Variants in CSMD1 observed in about 807,000 individuals in gnomAD.
The protein encoded by CSMD1 is CUB and Sushi multiple domains 1.
CSMD1 carries 213 observed loss-of-function variants against 417.5 expected under a neutral mutation model. That is an observed-to-expected ratio of 0.51 (90% CI 0.46 to 0.57). CSMD1 has a LOEUF of 0.57. CSMD1 is among the 20% of genes least tolerant of loss of function. CSMD1 has a pLI of 0.00. For synonymous variants in CSMD1, 2,862 were observed against 1,736.8 expected, an observed-to-expected ratio of 1.65 and a Z score of -16.11; for missense variants, 6,923 against 4,529.7, an observed-to-expected ratio of 1.53 and a Z score of -15.17.
chr8:3,499,548 T>C (rs566534351), intron 10 of CSMD1, among the ~76,000 whole-genome samples: 2 of 152,178 alleles, frequency 1.3e-5, no homozygotes, highest in East Asian at 1.9e-4. Flanking sequence ...GGCCAGTCCT[T>C]GGTCTCCTGC....
Position 4,374,730 on chromosome 8 carries a change from C to A in CSMD1, c.415+45223G>T, listed in dbSNP as rs74660681. 8.1e-3 allele frequency among the ~76,000 whole-genome samples: 1,238 copies of A among 152,222 alleles called. 16 individuals are homozygous for A. The highest frequency in any genetic ancestry group is 0.028 in the African/African-American group (1,143 of 41,534). Reference sequence around the variant, plus strand: ...GCATCCGTGTCTGGAGCAGACTAAGCATGAGCAGCAGAGACGTCCAAGTGG... The same window carrying A: ...GCATCCGTGTCTGGAGCAGACTAAGAATGAGCAGCAGAGACGTCCAAGTGG... On this transcript the variant is annotated intron_variant, in intron 3 of 69. Transcript: ENST00000635120.
intron 9 of CSMD1, among the ~76,000 whole-genome samples, chr8:3,584,057 A>C (rs2116987961): frequency 6.6e-6 from 1 of 152,222 alleles, no homozygotes; most frequent in East Asian, 1.9e-4. Context: ...CAGCAGTATA[A>C]GTCATTATTT....
intron 3 of CSMD1, among the ~76,000 whole-genome samples, chr8:4,411,443 A>G (rs1016387743): frequency 6.6e-6 from 1 of 152,112 alleles, no homozygotes; most frequent in Non-Finnish European, 1.5e-5. Context: ...ACTTTTAATT[A>G]CTTGGTTCTA....
intron 11 of CSMD1, among the ~76,000 whole-genome samples, chr8:3,485,828 A>G (rs1045756409): frequency 6.6e-6 from 1 of 150,920 alleles, no homozygotes; most frequent in Non-Finnish European, 1.5e-5. Context: ...AAAATAAAAT[A>G]AAATAAAACA....
intron 38 of CSMD1, among the ~76,000 whole-genome samples, chr8:3,160,775 CA>C (rs1403305036): frequency 6.6e-5 from 10 of 152,214 alleles, no homozygotes; most frequent in African/African-American, 2.4e-4. Flanking sequence ...AAGCATACAT[CA>C]CATGGTACCC....
intron 5 of CSMD1, among the ~76,000 whole-genome samples, chr8:3,830,323 G>C (rs936630400): frequency 6.6e-6 from 1 of 152,214 alleles, no homozygotes; most frequent in Non-Finnish European, 1.5e-5. Context: ...GCCTTCACTT[G>C]CCGAATGATT....
At chr8:3,239,268 T>C (rs1799345038) in intron 26 of CSMD1, among the ~76,000 whole-genome samples, 1 of 152,134 alleles carries the variant, frequency 6.6e-6, no homozygotes, top group South Asian at 2.1e-4. Context: ...GCTTGGCTGA[T>C]TTGACTAATA....
chr8:3,794,342 CAT>C (rs1799923286), intron 5 of CSMD1, among the ~76,000 whole-genome samples: 1 of 152,120 alleles, frequency 6.6e-6, no homozygotes, highest in African/African-American at 2.4e-5. Context: ...GCTGAGTAAA[CAT>C]ATGTTTGCTA....
rs369842169 is a variant in CSMD1, at chr8:3,311,962, T to TTCAA, written c.3632-3463_3632-3460dup. Among the ~76,000 whole-genome samples, 1,370 of 152,262 alleles carry TTCAA rather than the reference T, an allele frequency of 9.0e-3. 24 individuals carry two copies. The highest frequency in any genetic ancestry group is 0.03 in the African/African-American group (1,266 of 41,546). On this transcript the variant is annotated intron_variant, in intron 23 of 69. Transcript: ENST00000635120. ...TTCAGAAATCATGGCTTTTAAAGAC[T>TTCAA]TCAATCAAAAAAGGTTAACAAAGTT...
intron 1 of CSMD1, among the ~76,000 whole-genome samples, chr8:4,795,190 C>T (rs1797908217): frequency 6.8e-6 from 1 of 146,356 alleles, no homozygotes; most frequent in Non-Finnish European, 1.5e-5. Context: ...TGAAAAGACG[C>T]TTAACCAGCT....
At chr8:3,735,064 G>C (rs2129048716) in intron 6 of CSMD1, among the ~76,000 whole-genome samples, 1 of 152,320 alleles carries the variant, frequency 6.6e-6, no homozygotes, top group South Asian at 2.1e-4. Context: ...GTGGACATGG[G>C]AGGACACACG....
chr8:4,110,707 G>A (rs953484117), intron 3 of CSMD1, among the ~76,000 whole-genome samples: 4 of 151,616 alleles, frequency 2.6e-5, no homozygotes, highest in African/African-American at 9.7e-5. Flanking sequence ...TAATTTCAGG[G>A]TTTTTTTTCC....
intron 3 of CSMD1, among the ~76,000 whole-genome samples, chr8:4,298,205 C>G (rs925233764): frequency 1.3e-5 from 2 of 152,026 alleles, no homozygotes; most frequent in African/African-American, 4.8e-5. Flanking sequence ...AATGAAGTTT[C>G]CAAAATAATG....
chr8:4,099,208 A>G (rs767076015), intron 3 of CSMD1, among the ~76,000 whole-genome samples: 4 of 95,260 alleles, frequency 4.2e-5, no homozygotes, highest in Admixed American at 8.7e-5. Flanking sequence ...ACACACACGC[A>G]CACACACACA....
chr8:3,564,166 T>C lies in CSMD1; in HGVS notation c.1344+10779A>G, dbSNP rs150267305. Among the ~76,000 whole-genome samples the C allele has an allele frequency of 2.8e-3, 434 of 152,352 alleles. 3 individuals are homozygous for C. The highest frequency in any genetic ancestry group is 0.01 in the African/African-American group (417 of 41,578). ...GTTTGGAAGATTGAAATTATTTTCT[T>C]CTAGCTATTTTGAAATATATAATAA... On this transcript the variant is annotated intron_variant, in intron 10 of 69. Coordinates refer to ENST00000635120, the MANE Select transcript of CSMD1 (RefSeq NM_033225.6).
chr8:3,319,571 A>T (rs1282036004), intron 23 of CSMD1, among the ~76,000 whole-genome samples: 1 of 152,208 alleles, frequency 6.6e-6, no homozygotes, highest in Non-Finnish European at 1.5e-5. Flanking sequence ...ATGCTTTCAA[A>T]CACTTCCGCA....
intron 23 of CSMD1, among the ~76,000 whole-genome samples, chr8:3,324,185 C>A (rs1417156787): frequency 1.2e-4 from 14 of 120,642 alleles, no homozygotes; most frequent in African/African-American, 5.1e-4. Context: ...CTTCACCCCA[C>A]CTTTCATTGT....
Position 2,961,344 on chromosome 8 carries a change from A to C in CSMD1, c.9629-130T>G. 3 of 443,298 alleles carry C rather than the reference A, an allele frequency of 6.8e-6. 1 individual carries two copies. Among genetic ancestry groups the C allele is most frequent in the Non-Finnish European group, 1.2e-5 (3 of 245,248 alleles). 27.5% of individuals were successfully genotyped at this position (443,298 alleles called of 1,614,324 possible). A position where few individuals can be genotyped will look rare whatever the true frequency, so the allele number is the denominator to read the frequency against. ...TTGAGAAATGTGCAAGATGTTTTTCAGGAAAGTTAAAAATTAAATTGCTAC... is the reference window on the plus strand; with the variant it reads ...TTGAGAAATGTGCAAGATGTTTTTCCGGAAAGTTAAAAATTAAATTGCTAC... On this transcript the variant is annotated intron_variant, in intron 61 of 69. Coordinates refer to ENST00000635120, the MANE Select transcript of CSMD1 (RefSeq NM_033225.6).
chr8:4,489,473 A>G (rs1469296614), intron 2 of CSMD1, among the ~76,000 whole-genome samples: 1 of 152,210 alleles, frequency 6.6e-6, no homozygotes, highest in African/African-American at 2.4e-5. Context: ...GCTGAGGGGA[A>G]CACCATATGC....
Sources: gnomAD v4.1 joint callset for allele counts (sites outside exome capture counted in the v4.1 genomes callset) on GRCh38, gnomAD v4.1.1 for gene constraint, MANE v1.5 for transcripts, NCBI Gene and HGNC (gene_info 2026-07-23, HGNC 2026-07-21) for gene names.